The following PRKG1 variants were observed in gnomAD, a reference collection of about 807,000 sequenced individuals.
PRKG1 encodes the protein protein kinase cGMP-dependent 1, also known as cGMP-dependent protein kinase 1.
PRKG1 carries 35 observed loss-of-function variants against 88.1 expected under a neutral mutation model. That is an observed-to-expected ratio of 0.40 (90% CI 0.30 to 0.53). PRKG1 has a LOEUF of 0.53. Among genes scored for constraint, PRKG1 ranks in the 20% least tolerant of loss-of-function variants. The pLI is 0.59. For missense variants in PRKG1, 540 were observed against 839.8 expected (o/e 0.64, Z 4.41); for synonymous variants, 303 against 292.5 (o/e 1.04, Z -0.37).
At chr10:51,372,265 C>A (rs1034234544) in intron 2 of PRKG1, among the ~76,000 whole-genome samples, 1 of 151,998 alleles carries the variant, frequency 6.6e-6, no homozygotes, top group Non-Finnish European at 1.5e-5. Context: ...TAAATTTAAT[C>A]CTGCATTTTT....
chr10:51,817,667 G>A (rs1175384273), intron 4 of PRKG1, among the ~76,000 whole-genome samples: 1 of 152,066 alleles, frequency 6.6e-6, no homozygotes, highest in African/African-American at 2.4e-5. Flanking sequence ...CATATGTGTT[G>A]TTGTTATTTT....
intron 4 of PRKG1, among the ~76,000 whole-genome samples, chr10:51,878,519 C>G (rs1404143986): frequency 6.6e-6 from 1 of 152,128 alleles, no homozygotes; most frequent in African/African-American, 2.4e-5. Context: ...AAATGATTTT[C>G]CTTGGTGGAT....
At chr10:51,103,144 A>AT (rs35790749) in intron 1 of PRKG1, among the ~76,000 whole-genome samples, 75,846 of 151,402 alleles carry the variant, frequency 0.5, 20,317 homozygotes, top group East Asian at 0.71. Flanking sequence ...TAAAAAAAAA[A>AT]TAGTTAGAAA....
intron 5 of PRKG1, among the ~76,000 whole-genome samples, chr10:51,936,521 A>ACCT (rs1842803742): frequency 6.6e-6 from 1 of 152,056 alleles, no homozygotes; most frequent in Non-Finnish European, 1.5e-5. Context: ...GAGGTAGTGA[A>ACCT]ATGATCTGTG....
At chr10:52,203,352 A>G (rs1339425947) in intron 9 of PRKG1, among the ~76,000 whole-genome samples, 1 of 152,070 alleles carries the variant, frequency 6.6e-6, no homozygotes, top group Non-Finnish European at 1.5e-5. Context: ...ATTGATTTCT[A>G]TTTTTATTGC....
intron 1 of PRKG1, among the ~76,000 whole-genome samples, chr10:51,083,251 T>G (rs1844158898): frequency 6.6e-6 from 1 of 152,174 alleles, no homozygotes; most frequent in Non-Finnish European, 1.5e-5. Context: ...TTGTTTCCCC[T>G]TTCCTGCCAG....
chr10:51,754,947 G>A (rs1837819082), intron 3 of PRKG1, among the ~76,000 whole-genome samples: 1 of 151,330 alleles, frequency 6.6e-6, no homozygotes, highest in Admixed American at 6.6e-5. Flanking sequence ...TCAACTATGA[G>A]GCAATTCAAC....
At chr10:52,154,852 A>C (rs1387884162) in intron 8 of PRKG1, among the ~76,000 whole-genome samples, 4 of 151,982 alleles carry the variant, frequency 2.6e-5, no homozygotes, top group African/African-American at 9.7e-5. Context: ...ATGCCTTTGC[A>C]TTCTCATAGC....
chr10:52,280,822 C>T lies in PRKG1; in HGVS notation c.1437C>T (p.Tyr479=), dbSNP rs761115137. The T allele has an allele frequency of 1.2e-5, 20 of 1,613,176 alleles. No homozygotes were observed. The highest frequency in any genetic ancestry group is 1.7e-5 in the Admixed American group (1 of 59,934). ...GSFEDSTTRF[Y]TACVVEAFAY... ...TTGAAGATTCTACAACCAGATTTTA[C>T]ACAGCATGTGTGGTAGAAGCTTTTG... is the stretch of plus-strand genomic sequence containing the variant. The change falls in exon 13 of 18, where the codon TAC becomes TAT. Residue 479 remains tyrosine (Y), a synonymous_variant. Coordinates refer to ENST00000373980, the MANE Select transcript of PRKG1 (RefSeq NM_006258.4).
intron 2 of PRKG1, among the ~76,000 whole-genome samples, chr10:51,309,448 T>C (rs1841124531): frequency 6.6e-6 from 1 of 152,122 alleles, no homozygotes; most frequent in African/African-American, 2.4e-5. Context: ...TGAATATGTA[T>C]TTTTCAAAAG....
chr10:52,124,668 T>C (rs1267380912), intron 7 of PRKG1, among the ~76,000 whole-genome samples: 2 of 152,138 alleles, frequency 1.3e-5, no homozygotes, highest in Non-Finnish European at 2.9e-5. Context: ...CTTATTGTAA[T>C]TTTTTACTTT....
chr10:52,139,938 C>G (rs1404165719), intron 8 of PRKG1, among the ~76,000 whole-genome samples: 1 of 152,148 alleles, frequency 6.6e-6, no homozygotes, highest in Non-Finnish European at 1.5e-5. Context: ...AGCTACTCAA[C>G]TCTGTCTTTG....
rs762265593 is a variant in PRKG1, at chr10:51,366,565, T to A, written c.479-101158T>A. Among the ~76,000 whole-genome samples the A allele has an allele frequency of 1.1e-3, 170 of 152,032 alleles. 2 individuals carry two copies. The highest frequency in any genetic ancestry group is 6.8e-3 in the Middle Eastern group (2 of 294). ...TAACATACCTATCTGTAAATACAGT[T>A]ATCTCCAGATTCTATCTCTCTGTTA... On this transcript the variant is annotated intron_variant, in intron 2 of 17. Transcript: ENST00000373980.
intron 1 of PRKG1, among the ~76,000 whole-genome samples, chr10:51,015,195 T>C (rs1369227972): frequency 6.6e-6 from 1 of 152,250 alleles, no homozygotes; most frequent in Admixed American, 6.5e-5. Context: ...ATGCCTTTAC[T>C]GAATTGTGAA....
At chr10:52,293,694 C>G in intron 17 of PRKG1, 108 bp from the exon 18 acceptor site, 1 of 815,274 alleles carries the variant, frequency 1.2e-6, no homozygotes. Flanking sequence ...AGTAGATACT[C>G]AATGAAATAG....
intron 3 of PRKG1, among the ~76,000 whole-genome samples, chr10:51,604,791 G>A (rs1347716068): frequency 6.6e-6 from 1 of 152,218 alleles, no homozygotes; most frequent in African/African-American, 2.4e-5. Flanking sequence ...GCCCATGGCA[G>A]TGTCCAGGAC....
At chr10:51,168,237 T>A (rs1846601455) in intron 2 of PRKG1, among the ~76,000 whole-genome samples, 1 of 152,080 alleles carries the variant, frequency 6.6e-6, no homozygotes, top group African/African-American at 2.4e-5. Flanking sequence ...CTCAGTAGTA[T>A]ACAGTGAAGT....
chr10:51,286,667 T>G (rs914155497), intron 2 of PRKG1, among the ~76,000 whole-genome samples: 1 of 152,248 alleles, frequency 6.6e-6, no homozygotes, highest in East Asian at 1.9e-4. Context: ...ATTCATCATT[T>G]CAAACATTTG....
chr10:52,046,552 A>G (rs1226853782), intron 5 of PRKG1, among the ~76,000 whole-genome samples: 1 of 152,140 alleles, frequency 6.6e-6, no homozygotes, highest in Non-Finnish European at 1.5e-5. Context: ...GTTATTATTA[A>G]CTCATTCAGT....
Sources: allele counts gnomAD v4.1 joint callset (sites outside exome capture counted in the v4.1 genomes callset), GRCh38; gene constraint gnomAD v4.1.1; transcripts MANE v1.5; gene names NCBI Gene and HGNC (gene_info 2026-07-23, HGNC 2026-07-21).